MARCHF1: variants seen among roughly 807,000 people sequenced by gnomAD.
MARCHF1 encodes the protein E3 ubiquitin-protein ligase MARCHF1.
In MARCHF1, 40 loss-of-function variants were observed where a neutral mutation model predicts 54.2. The ratio of observed to expected loss-of-function variants is 0.74; its 90% confidence interval spans 0.57 to 0.96. The LOEUF (loss-of-function observed/expected upper bound fraction) is 0.96, where lower values mean the gene tolerates loss of function less well. Ranked by LOEUF, MARCHF1 falls within the 40% of genes least tolerant of loss-of-function variation. The pLI is 0.00. For missense variants in MARCHF1, 586 were observed against 656.5 expected (o/e 0.89, Z 1.17); for synonymous variants, 236 against 236.3 (o/e 1.00, Z 0.01).
chr4:164,319,228 C>G (rs1176417634), intron 1 of MARCHF1, among the ~76,000 whole-genome samples: 1 of 152,112 alleles, frequency 6.6e-6, no homozygotes, highest in Non-Finnish European at 1.5e-5. Context: ...TTAACTTATA[C>G]TAGGTATTAT....
chr4:164,136,078 A>AT lies in MARCHF1; in HGVS notation c.-322-24417dup, dbSNP rs10713715. 3.9e-3 allele frequency among the ~76,000 whole-genome samples: 582 copies of AT among 147,916 alleles called. 4 individuals are homozygous for AT. Among genetic ancestry groups the AT allele is most frequent in the African/African-American group, 0.013 (507 of 40,538 alleles). On this transcript the variant is annotated intron_variant, in intron 1 of 9. Transcript: ENST00000514618. ...TATTTTTTTCAATGATCAAATTTCC[A>AT]TTTTTTTTTTTCCTGTGCAGATCAG... is the stretch of plus-strand genomic sequence containing the variant.
At chr4:164,377,510 TA>T (rs1731227532) in intron 1 of MARCHF1, among the ~76,000 whole-genome samples, 1 of 152,138 alleles carries the variant, frequency 6.6e-6, no homozygotes, top group Non-Finnish European at 1.5e-5. Flanking sequence ...TTTCACTCCA[TA>T]AATGTAGCGC....
intron 4 of MARCHF1, among the ~76,000 whole-genome samples, chr4:163,781,989 C>A (rs1053865586): frequency 6.6e-6 from 1 of 152,124 alleles, no homozygotes; most frequent in Admixed American, 6.6e-5. Context: ...TTTGTTCAGT[C>A]TTACATATGA....
chr4:163,814,532 C>T (rs7692689), intron 4 of MARCHF1, among the ~76,000 whole-genome samples: 117,676 of 152,062 alleles, frequency 0.77, 47,129 homozygotes, highest in Non-Finnish European at 0.88. Flanking sequence ...TGCACTGAGC[C>T]GAGATCAAGC....
At chr4:164,058,109 CTG>C (rs1315816568) in intron 2 of MARCHF1, among the ~76,000 whole-genome samples, 2 of 151,930 alleles carry the variant, frequency 1.3e-5, no homozygotes, top group Non-Finnish European at 2.9e-5. Context: ...ACATCACACA[CTG>C]GGGCCTGCAA....
intron 2 of MARCHF1, among the ~76,000 whole-genome samples, chr4:164,005,874 C>T (rs994846880): frequency 6.6e-6 from 1 of 152,084 alleles, no homozygotes; most frequent in East Asian, 1.9e-4. Context: ...TGTATGGGAC[C>T]TATCCCATTT....
At chr4:164,073,236 G>T (rs1325492866) in intron 2 of MARCHF1, among the ~76,000 whole-genome samples, 2 of 152,154 alleles carry the variant, frequency 1.3e-5, no homozygotes, top group African/African-American at 4.8e-5. Flanking sequence ...CAAAGACTTA[G>T]AACCAACCCA....
At chr4:164,091,360 T>G (rs2111133019) in intron 2 of MARCHF1, among the ~76,000 whole-genome samples, 1 of 148,766 alleles carries the variant, frequency 6.7e-6, no homozygotes, top group South Asian at 2.1e-4. Context: ...AGTGAAAAAT[T>G]ACAAACATAT....
chr4:163,974,337 A>C (rs1752607829), intron 3 of MARCHF1, among the ~76,000 whole-genome samples: 2 of 152,164 alleles, frequency 1.3e-5, no homozygotes, highest in Non-Finnish European at 2.9e-5. Context: ...AAGAAATTGG[A>C]CTATTCTGAG....
At chr4:164,174,039 T>C (rs561693853) in intron 1 of MARCHF1, among the ~76,000 whole-genome samples, 1 of 152,310 alleles carries the variant, frequency 6.6e-6, no homozygotes, top group African/African-American at 2.4e-5. Context: ...GTCAACAAAC[T>C]TTCTAAAACG....
chr4:163,710,225 C>G lies in MARCHF1; in HGVS notation c.112-9362G>C, dbSNP rs1004767507. Among the ~76,000 whole-genome samples the G allele has an allele frequency of 5.9e-5, 9 of 152,176 alleles. No homozygotes were observed. The East Asian group carries it at 1.7e-3, about 29-fold the overall frequency. On this transcript the variant is annotated intron_variant, in intron 4 of 9. Coordinates refer to ENST00000514618, the MANE Select transcript of MARCHF1 (RefSeq NM_001394959.1). ...AGGCCAATACTTTGAAAAGTGGTGA[C>G]CATTCAAAGACTATCCTATAAAAAG...
chr4:163,870,820 G>T (rs141907636), intron 3 of MARCHF1, among the ~76,000 whole-genome samples: 179 of 152,240 alleles, frequency 1.2e-3, no homozygotes, highest in African/African-American at 3.8e-3. Context: ...AATAGTGGTT[G>T]CCAGAGGCAG....
intron 4 of MARCHF1, among the ~76,000 whole-genome samples, chr4:163,756,290 C>T (rs1746663224): frequency 6.6e-6 from 1 of 152,046 alleles, no homozygotes; most frequent in African/African-American, 2.4e-5. Context: ...CTATCTACTA[C>T]ACCAGTATAG....
intron 2 of MARCHF1, among the ~76,000 whole-genome samples, chr4:164,080,154 T>C (rs927419654): frequency 2.6e-5 from 4 of 152,186 alleles, no homozygotes; most frequent in Non-Finnish European, 5.9e-5. Flanking sequence ...GAATAAGTCA[T>C]ATGTAGAACA....
At chr4:163,583,585 G>A (rs1001328313) in intron 8 of MARCHF1, 1 of 151,434 alleles carries the variant, frequency 6.6e-6, no homozygotes, top group African/African-American at 2.4e-5. Flanking sequence ...TCAACAGATA[G>A]TAGGTACATA....
intron 1 of MARCHF1, among the ~76,000 whole-genome samples, chr4:164,260,194 T>C (rs546955026): frequency 3.3e-5 from 5 of 152,194 alleles, no homozygotes; most frequent in Non-Finnish European, 7.3e-5. Flanking sequence ...TGTGTGTTCA[T>C]AGGTGCTGTA....
At chr4:164,141,985 A>G (rs1756551036) in intron 1 of MARCHF1, among the ~76,000 whole-genome samples, 1 of 138,246 alleles carries the variant, frequency 7.2e-6, no homozygotes, top group African/African-American at 3.0e-5. Context: ...GAGCCAAAGT[A>G]GGGCGAGGCA....
At chr4:163,819,070 C>T (rs1484298676) in intron 4 of MARCHF1, among the ~76,000 whole-genome samples, 5 of 152,114 alleles carry the variant, frequency 3.3e-5, no homozygotes, top group Admixed American at 6.6e-5. Flanking sequence ...CAATGCTCTT[C>T]CTGCCTTTTC....
At chr4:164,144,887 G>GT (rs1387920184) in intron 1 of MARCHF1, among the ~76,000 whole-genome samples, 1 of 121,352 alleles carries the variant, frequency 8.2e-6, no homozygotes, top group Non-Finnish European at 1.7e-5. Context: ...CCAGGAGCTG[G>GT]TTTTTTGAAA....
Sources: allele counts gnomAD v4.1 joint callset (sites outside exome capture counted in the v4.1 genomes callset), GRCh38; gene constraint gnomAD v4.1.1; transcripts MANE v1.5; gene names NCBI Gene and HGNC (gene_info 2026-07-23, HGNC 2026-07-21).